Variants in NLRP13 observed in about 807,000 individuals in gnomAD.
The protein encoded by NLRP13 is NACHT, LRR and PYD domains-containing protein 13.
Under a neutral mutation model 94.4 loss-of-function variants are expected in NLRP13, and 82 were observed. That is an observed-to-expected ratio of 0.87 (90% confidence interval 0.73 to 1.04). NLRP13 has a LOEUF of 1.04. Among genes scored for constraint, NLRP13 ranks in the 50% least tolerant of loss-of-function variants. The probability of loss-of-function intolerance (pLI) is 0.00; values close to 1 mark genes in which losing one functional copy is unlikely to be tolerated. For missense variants in NLRP13, 1,426 were observed against 1,230.8 expected (o/e 1.16, Z -2.37); for synonymous variants, 553 against 464.7 (o/e 1.19, Z -2.45).
chr19:55,908,785 G>A (rs1277894474), intron 6 of NLRP13, among the ~76,000 whole-genome samples: 2 of 152,188 alleles, frequency 1.3e-5, no homozygotes, highest in African/African-American at 2.4e-5. Flanking sequence ...AGTGGGAAAA[G>A]GCAGAGGATC....
intron 8 of NLRP13, among the ~76,000 whole-genome samples, chr19:55,902,506 C>T (rs1467252202): frequency 1.3e-5 from 2 of 151,976 alleles, no homozygotes. Flanking sequence ...GCCAGTTGGG[C>T]GTGGGTCCAA....
rs16986773 is a variant in NLRP13 at position 55,904,490 on chromosome 19, G to A, written c.2618+452C>T. 8.7e-3 allele frequency among the ~76,000 whole-genome samples: 1,326 copies of A among 152,266 alleles called. 58 individuals carry two copies. The highest frequency in any genetic ancestry group is 0.066 in the Admixed American group (1,002 of 15,270). ...AAGTATCACCTGTTCAAATAGGTTAGTGAGAGAAGACCCTGCTGGGAAATC... is the reference window on the plus strand; with the variant it reads ...AAGTATCACCTGTTCAAATAGGTTAATGAGAGAAGACCCTGCTGGGAAATC... On this transcript the variant is annotated intron_variant, in intron 8 of 10. Transcript: ENST00000342929.
chr19:55,898,843 T>C lies in NLRP13; in HGVS notation c.2884A>G (p.Asn962Asp). 1 of 1,614,042 alleles carries C rather than the reference T, an allele frequency of 6.2e-7. No individual in the cohort carries two copies. Among genetic ancestry groups the C allele is most frequent in the Non-Finnish European group, 8.5e-7 (1 of 1,179,962 alleles). The change falls in exon 10 of 11, where the codon AAT (asparagine) becomes GAT (aspartate). Residue 962 changes from asparagine to aspartate, a missense_variant. By Grantham distance (23) the Asn-to-Asp change is conservative (BLOSUM62 1). Transcript: ENST00000342929. The part of the protein sequence containing the change: ...HNVKILDLGE[N>D]DLQDDGVKLL... ...TTCACTCCATCATCCTGAAGATCAT[T>C]TTCTCCCAAATCCAAGATTTTCACA...
chr19:55,903,813 G>A (rs1236872127), intron 8 of NLRP13, among the ~76,000 whole-genome samples: 1 of 151,914 alleles, frequency 6.6e-6, no homozygotes, highest in Non-Finnish European at 1.5e-5. Context: ...CCTCCCCATG[G>A]GCCACTCCCT....
intron 10 of NLRP13, 79 bp from the exon 11 acceptor site, chr19:55,896,198 GA>G (rs916665003): frequency 2.7e-6 from 4 of 1,482,790 alleles, no homozygotes; most frequent in South Asian, 2.5e-5. Flanking sequence ...ACATCTGCAG[GA>G]AAAAAACTAT....
intron 7 of NLRP13, among the ~76,000 whole-genome samples, chr19:55,907,095 A>G (rs1018980985): frequency 6.6e-6 from 1 of 152,070 alleles, no homozygotes; most frequent in Non-Finnish European, 1.5e-5. Flanking sequence ...AGTAGCTGAG[A>G]TTACAGGCAT....
At position 55,932,220 on chromosome 19, in the gene NLRP13, T is replaced by C. The variant is rs747554483; in HGVS notation, c.92A>G (p.Glu31Gly). The C allele has an allele frequency of 3.1e-6, 5 of 1,613,908 alleles. No individual in the cohort carries two copies. Among genetic ancestry groups the C allele is most frequent in the Non-Finnish European group, 3.4e-6 (4 of 1,179,920 alleles). Reference sequence around the variant, plus strand: ...CTGGGGTTCCAAGCAAAGCTTGAATTCCTCCAGCTGATACTGATCCAGGGC... The same window carrying C: ...CTGGGGTTCCAAGCAAAGCTTGAATCCCTCCAGCTGATACTGATCCAGGGC... ...LMALDQYQLE[E>G]FKLCLEPQQL... The change falls in exon 1 of 11, where the codon GAA (glutamate) becomes GGA (glycine). Residue 31 changes from glutamate to glycine, a missense_variant. Transcript: ENST00000342929.
At position 55,923,334 on chromosome 19, in the gene NLRP13, G is replaced by T. The variant is rs554965854; in HGVS notation, c.523+580C>A. On this transcript the variant is annotated intron_variant, in intron 4 of 10. Coordinates refer to ENST00000342929, the MANE Select transcript of NLRP13 (RefSeq NM_176810.2). ...TGCAAACTTTCTTGGAAGGCTGGGG[G>T]AGAGGGGGTTGCAAAGCTTTGGGGA... Among the ~76,000 whole-genome samples, 9 of 152,338 alleles carry T rather than the reference G, an allele frequency of 5.9e-5. No homozygotes were observed. The East Asian group carries it at 1.7e-3, about 29-fold the overall frequency.
At chr19:55,903,668 A>G (rs774509303) in intron 8 of NLRP13, among the ~76,000 whole-genome samples, 1 of 151,880 alleles carries the variant, frequency 6.6e-6, no homozygotes, top group African/African-American at 2.4e-5. Flanking sequence ...TGCATTGGAG[A>G]ATGGTCCCAC....
chr19:55,916,548 G>A (rs1448625755), intron 4 of NLRP13, among the ~76,000 whole-genome samples: 1 of 152,096 alleles, frequency 6.6e-6, no homozygotes, highest in African/African-American at 2.4e-5. Context: ...TAAAACTTCT[G>A]CAAGTGAAAA....
chr19:55,911,336 A>G (rs1282019232), intron 5 of NLRP13, among the ~76,000 whole-genome samples: 4 of 152,010 alleles, frequency 2.6e-5, no homozygotes, highest in Non-Finnish European at 1.5e-5. Context: ...GGCTCAAGCA[A>G]TCCTCCCACC....
At chr19:55,900,113 C>T (rs970590408) in intron 9 of NLRP13, among the ~76,000 whole-genome samples, 1 of 151,846 alleles carries the variant, frequency 6.6e-6, no homozygotes, top group African/African-American at 2.4e-5. Context: ...TTAATTATTC[C>T]ACATTGTATT....
chr19:55,907,466 G>A (rs996598796), intron 7 of NLRP13, among the ~76,000 whole-genome samples: 2 of 152,132 alleles, frequency 1.3e-5, no homozygotes, highest in Admixed American at 6.5e-5. Context: ...CCAGCCACTC[G>A]GGGGCTGCAG....
chr19:55,894,043 C>CTTTT (rs36039690), downstream of NLRP13, among the ~76,000 whole-genome samples: 63 of 112,896 alleles, frequency 5.6e-4, 2 homozygotes, highest in South Asian at 2.0e-3. Context: ...CATGCCCCAA[C>CTTTT]TTTTTTTTTT....
At chr19:55,893,137 C>T (rs1240327386), downstream of NLRP13, among the ~76,000 whole-genome samples, 4 of 152,082 alleles carry the variant, frequency 2.6e-5, no homozygotes, top group Non-Finnish European at 4.4e-5. Context: ...ACCTGTAATC[C>T]CAGCACTTTG....
chr19:55,901,346 C>G (rs955922592), intron 9 of NLRP13, among the ~76,000 whole-genome samples: 6 of 152,314 alleles, frequency 3.9e-5, no homozygotes, highest in Middle Eastern at 3.4e-3. Flanking sequence ...ACAATCTCAA[C>G]TAGACCTGAT....
intron 4 of NLRP13, 56 bp from the exon 5 acceptor site, chr19:55,913,349 T>C: frequency 6.5e-7 from 1 of 1,533,888 alleles, no homozygotes. Context: ...GAGTTAGGAA[T>C]GATTCAGTTA....
In NLRP13 at chr19:55,929,879, G is replaced by GA. The variant is rs757354039; in HGVS notation, c.319+2113dup. 3.3e-4 allele frequency among the ~76,000 whole-genome samples: 48 copies of GA among 144,650 alleles called. No individual in the cohort carries two copies. The East Asian group carries it at 4.3e-3, about 13-fold the overall frequency. 94.9% of individuals were successfully genotyped at this position (144,650 alleles called of 152,430 possible). A position where few individuals can be genotyped will look rare whatever the true frequency, so the allele number is the denominator to read the frequency against. ...CAATAAAGCCTAAAGTTGGTTCTTT[G>GA]AAAAAAAAGAAAAGAAAAGAAATTA... On this transcript the variant is annotated intron_variant, in intron 1 of 10. Coordinates refer to ENST00000342929, the MANE Select transcript of NLRP13 (RefSeq NM_176810.2).
chr19:55,930,616 G>A (rs1350832319), intron 1 of NLRP13, among the ~76,000 whole-genome samples: 1 of 149,638 alleles, frequency 6.7e-6, no homozygotes, highest in East Asian at 2.0e-4. Context: ...AACCCAGGAG[G>A]CGGAGAGTGC....
Sources: gnomAD v4.1 joint callset for allele counts (sites outside exome capture counted in the v4.1 genomes callset) on GRCh38, gnomAD v4.1.1 for gene constraint, MANE v1.5 for transcripts, NCBI Gene and HGNC (gene_info 2026-07-23, HGNC 2026-07-21) for gene names.